ARHGAP15: variants seen among roughly 807,000 people sequenced by gnomAD.
The protein encoded by ARHGAP15 is rho GTPase-activating protein 15.
A neutral mutation model predicts 63.7 loss-of-function variants in ARHGAP15; 51 were observed. The observed-to-expected ratio is 0.80, with a 90% CI of 0.64 to 1.01. The LOEUF (loss-of-function observed/expected upper bound fraction) is 1.01. Ranked by LOEUF, ARHGAP15 falls within the 50% of genes least tolerant of loss-of-function variation. The pLI is 0.00. For missense variants in ARHGAP15, 560 were observed against 564.6 expected, an observed-to-expected ratio of 0.99 and a Z score of 0.08; for synonymous variants, 191 against 193.8, an observed-to-expected ratio of 0.99 and a Z score of 0.12.
intron 11 of ARHGAP15, among the ~76,000 whole-genome samples, chr2:143,585,370 C>T (rs1456567726): frequency 6.6e-6 from 1 of 152,008 alleles, no homozygotes; most frequent in Non-Finnish European, 1.5e-5. Context: ...AAAATTACAT[C>T]ATCTAGTCAT....
chr2:143,258,169 C>T (rs1680518439), intron 6 of ARHGAP15, among the ~76,000 whole-genome samples: 1 of 151,960 alleles, frequency 6.6e-6, no homozygotes, highest in Non-Finnish European at 1.5e-5. Flanking sequence ...AGCATAGGAT[C>T]ACTGGCTGAT....
At chr2:143,208,185 G>C (rs7561313) in intron 3 of ARHGAP15, among the ~76,000 whole-genome samples, 1 of 152,204 alleles carries the variant, frequency 6.6e-6, no homozygotes, top group African/African-American at 2.4e-5. Context: ...AAAATGTTGG[G>C]ATATATAAAT....
At chr2:143,499,644 G>A (rs1168745995) in intron 9 of ARHGAP15, among the ~76,000 whole-genome samples, 3 of 152,116 alleles carry the variant, frequency 2.0e-5, no homozygotes, top group Non-Finnish European at 2.9e-5. Flanking sequence ...AAGTTAAGTA[G>A]CATTCCATAA....
At chr2:143,439,352 G>C (rs1311245842) in intron 8 of ARHGAP15, among the ~76,000 whole-genome samples, 1 of 142,394 alleles carries the variant, frequency 7.0e-6, no homozygotes, top group African/African-American at 2.6e-5. Flanking sequence ...CAACCCGGGA[G>C]GCGGAAGTTG....
intron 9 of ARHGAP15, among the ~76,000 whole-genome samples, chr2:143,501,795 T>C (rs1165302401): frequency 3.3e-5 from 5 of 152,214 alleles, no homozygotes; most frequent in African/African-American, 1.2e-4. Flanking sequence ...GACAAAGTAT[T>C]CCAAAGGTGG....
chr2:143,641,425 G>C (rs1465339411), intron 12 of ARHGAP15, among the ~76,000 whole-genome samples: 1 of 152,122 alleles, frequency 6.6e-6, no homozygotes, highest in Non-Finnish European at 1.5e-5. Context: ...TTTGGAACCA[G>C]ATATTTGTTC....
intron 13 of ARHGAP15, among the ~76,000 whole-genome samples, chr2:143,739,666 T>C (rs985648412): frequency 6.6e-6 from 1 of 152,194 alleles, no homozygotes; most frequent in African/African-American, 2.4e-5. Flanking sequence ...AACTCACTCA[T>C]GCCTTCCCAT....
intron 6 of ARHGAP15, among the ~76,000 whole-genome samples, chr2:143,409,060 G>A (rs1272752102): frequency 6.6e-6 from 1 of 151,876 alleles, no homozygotes; most frequent in Non-Finnish European, 1.5e-5. Context: ...GACATAGAAA[G>A]CAATGATCTC....
intron 13 of ARHGAP15, among the ~76,000 whole-genome samples, chr2:143,741,634 G>A (rs1472954399): frequency 1.3e-5 from 2 of 152,212 alleles, no homozygotes; most frequent in Admixed American, 1.3e-4. Context: ...GGGCCTTCAA[G>A]AATTAAGACT....
chr2:143,524,736 C>T (rs944010857), intron 10 of ARHGAP15, among the ~76,000 whole-genome samples: 2 of 152,160 alleles, frequency 1.3e-5, no homozygotes, highest in Admixed American at 6.5e-5. Flanking sequence ...CACGAGAAAG[C>T]GTGGCTGGAC....
intron 10 of ARHGAP15, among the ~76,000 whole-genome samples, chr2:143,556,098 T>A (rs1451904186): frequency 7.9e-5 from 12 of 152,038 alleles, no homozygotes; most frequent in Non-Finnish European, 1.5e-5. Flanking sequence ...CGTCTGGAGG[T>A]TTCCCCCCTA....
chr2:143,337,754 A>G (rs1361373922), intron 6 of ARHGAP15, among the ~76,000 whole-genome samples: 2 of 152,186 alleles, frequency 1.3e-5, no homozygotes, highest in African/African-American at 4.8e-5. Flanking sequence ...AAAAAGTGGA[A>G]GGTGTGCTGC....
intron 12 of ARHGAP15, among the ~76,000 whole-genome samples, chr2:143,643,158 GT>G (rs756224362): frequency 5.9e-5 from 9 of 152,072 alleles, no homozygotes; most frequent in Non-Finnish European, 1.2e-4. Context: ...AGAAACCCAT[GT>G]TTTAGAGAAG....
At chr2:143,362,595 T>G (rs1574334814) in intron 6 of ARHGAP15, among the ~76,000 whole-genome samples, 2 of 152,372 alleles carry the variant, frequency 1.3e-5, no homozygotes, top group South Asian at 4.1e-4. Flanking sequence ...CAACTGTTTC[T>G]TTGATGTCTT....
At chr2:143,759,698 C>T (rs1686695372) in intron 13 of ARHGAP15, among the ~76,000 whole-genome samples, 2 of 152,170 alleles carry the variant, frequency 1.3e-5, no homozygotes, top group Admixed American at 1.3e-4. Context: ...CCGCCCAGAA[C>T]ACTTGTTCCC....
rs202025733 is a variant in ARHGAP15, at chr2:143,331,324, T to TA, written c.474+80732dup. On this transcript the variant is annotated intron_variant, in intron 6 of 13. Coordinates refer to ENST00000295095, the MANE Select transcript of ARHGAP15 (RefSeq NM_018460.4). The stretch of plus-strand genomic sequence containing the variant: ...CTCTTCTTCCCATCCCAACTTTTTA[T>TA]AAAAAAAAGCATGCCATCTTTAGGT... 9.0e-3 allele frequency among the ~76,000 whole-genome samples: 1,369 copies of TA among 151,972 alleles called. 23 individuals are homozygous for TA. Among genetic ancestry groups the TA allele is most frequent in the African/African-American group, 0.03 (1,242 of 41,460 alleles).
intron 6 of ARHGAP15, among the ~76,000 whole-genome samples, chr2:143,345,654 A>C (rs1322993552): frequency 1.3e-5 from 2 of 151,984 alleles, no homozygotes; most frequent in African/African-American, 4.8e-5. Flanking sequence ...ATTTTTTTGC[A>C]GGCTTTGGGT....
chr2:143,714,462 T>C (rs1271086788), intron 13 of ARHGAP15, among the ~76,000 whole-genome samples: 4 of 152,226 alleles, frequency 2.6e-5, no homozygotes, highest in African/African-American at 4.8e-5. Flanking sequence ...ATTTTTCCCA[T>C]GGTCTTGGGG....
At chr2:143,480,167 A>G (rs1329817665) in intron 8 of ARHGAP15, among the ~76,000 whole-genome samples, 1 of 152,228 alleles carries the variant, frequency 6.6e-6, no homozygotes, top group Non-Finnish European at 1.5e-5. Context: ...TCTATACATG[A>G]AAAGACAGTG....
Sources: gnomAD v4.1 joint callset for allele counts (sites outside exome capture counted in the v4.1 genomes callset) on GRCh38, gnomAD v4.1.1 for gene constraint, MANE v1.5 for transcripts, NCBI Gene and HGNC (gene_info 2026-07-23, HGNC 2026-07-21) for gene names.